Variants in RAB11B observed in about 807,000 individuals in gnomAD.
RAB11B encodes RAB11B, member RAS oncogene family, also known as ras-related protein Rab-11B.
Under a neutral mutation model 23.7 loss-of-function variants are expected in RAB11B, and 7 were observed. That is an observed-to-expected ratio of 0.29 (90% CI 0.17 to 0.55). RAB11B has a LOEUF of 0.55. Among genes scored for constraint, RAB11B ranks in the 20% least tolerant of loss-of-function variants. The probability of loss-of-function intolerance (pLI) is 0.93; values close to 1 mark genes in which losing one functional copy is unlikely to be tolerated. For missense variants in RAB11B, 189 were observed against 320.0 expected, an observed-to-expected ratio of 0.59 and a Z score of 3.12; for synonymous variants, 138 against 132.0, an observed-to-expected ratio of 1.05 and a Z score of -0.31.
At position 8,393,283 on chromosome 19, in the gene RAB11B, GT is replaced by G. The variant is rs2145506780; in HGVS notation, c.40+2828del. On this transcript the variant is annotated intron_variant, in intron 1 of 4. Coordinates refer to ENST00000328024, the MANE Select transcript of RAB11B (RefSeq NM_004218.4). ...CTCGGTACTCCATGGTTGCAGCTGT[GT>G]CCCCAAGGGCCACTGAGGTCCTCTC... 1.3e-5 allele frequency among the ~76,000 whole-genome samples: 2 copies of G among 152,254 alleles called. 1 individual carries two copies. Among genetic ancestry groups the G allele is most frequent in the South Asian group, 4.1e-4 (2 of 4,830 alleles).
intron 1 of RAB11B, among the ~76,000 whole-genome samples, chr19:8,393,291 G>A (rs549816178): frequency 3.0e-4 from 46 of 152,284 alleles, no homozygotes; most frequent in African/African-American, 1.1e-3. Context: ...GTGTCCCCAA[G>A]GGCCACTGAG....
intron 2 of RAB11B, among the ~76,000 whole-genome samples, chr19:8,401,472 G>A (rs1243699509): frequency 2.8e-5 from 4 of 145,330 alleles, no homozygotes; most frequent in East Asian, 2.1e-4. Context: ...TCCGCCCCCC[G>A]CCCCCCAGGG....
intron 1 of RAB11B, among the ~76,000 whole-genome samples, chr19:8,399,585 C>G (rs1410812609): frequency 6.6e-6 from 1 of 152,268 alleles, no homozygotes; most frequent in Non-Finnish European, 1.5e-5. Context: ...GCCTGGCTGC[C>G]TGGGTCCCCT....
chr19:8,397,699 G>A (rs1335549925), intron 1 of RAB11B, among the ~76,000 whole-genome samples: 1 of 152,084 alleles, frequency 6.6e-6, no homozygotes, highest in African/African-American at 2.4e-5. Context: ...TGTGGCCAGG[G>A]GAAGGGCAGA....
At chr19:8,394,909 G>A (rs924885247) in intron 1 of RAB11B, among the ~76,000 whole-genome samples, 10 of 152,312 alleles carry the variant, frequency 6.6e-5, no homozygotes, top group African/African-American at 1.7e-4. Flanking sequence ...CAGCCTGGGC[G>A]AGGGAGATTC....
intron 1 of RAB11B, among the ~76,000 whole-genome samples, chr19:8,392,247 T>G (rs1971360969): frequency 6.6e-6 from 1 of 152,182 alleles, no homozygotes; most frequent in Non-Finnish European, 1.5e-5. Flanking sequence ...TTTGCCCTTT[T>G]GCTGTGTTAA....
Position 8,400,078 on chromosome 19 carries a change from G to A in RAB11B, c.236+20G>A. The A allele has an allele frequency of 6.2e-7, 1 of 1,604,228 alleles. No homozygotes were observed. ...CTCCGCGTGCGTGTCGGCAGCCTGGGCAGGGACGCTGAGATTCGGGGGCGT... is the reference window on the plus strand; with the variant it reads ...CTCCGCGTGCGTGTCGGCAGCCTGGACAGGGACGCTGAGATTCGGGGGCGT... On this transcript the variant is annotated intron_variant, in intron 2 of 4. Coordinates refer to ENST00000328024, the MANE Select transcript of RAB11B (RefSeq NM_004218.4).
At chr19:8,403,229 G>C (rs186730311) in intron 4 of RAB11B, among the ~76,000 whole-genome samples, 184 bp from the exon 5 acceptor site, 1 of 152,294 alleles carries the variant, frequency 6.6e-6, no homozygotes, top group Non-Finnish European at 1.5e-5. Flanking sequence ...GCGAGAGGCC[G>C]GGGCTGGCTG....
rs1312916600 is a variant in RAB11B at position 8,392,953 on chromosome 19, T to C, written c.40+2497T>C. ...CACCTGTCTCGGCCTCCCAAAGTGC[T>C]GGGATTACAGGCATGAGCCACCGTG... On this transcript the variant is annotated intron_variant, in intron 1 of 4. Transcript: ENST00000328024. Among the ~76,000 whole-genome samples the C allele has an allele frequency of 4.0e-5, 6 of 151,248 alleles. No homozygotes were observed. The South Asian group carries it at 6.3e-4, about 16-fold the overall frequency.
At position 8,396,593 on chromosome 19, in the gene RAB11B, C is replaced by G. The variant is rs1971397988; in HGVS notation, c.41-3270C>G. Among the ~76,000 whole-genome samples, 1 of 151,984 alleles carries G rather than the reference C, an allele frequency of 6.6e-6. No individual in the cohort carries two copies. Among genetic ancestry groups the G allele is most frequent in the Admixed American group, 6.6e-5 (1 of 15,250 alleles). ...ATGAGGGAGGGAGCCAGGTGTGTGC[C>G]TGGAGAAGAGCGTTTCTGGCAGCAG... On this transcript the variant is annotated intron_variant, in intron 1 of 4. Coordinates refer to ENST00000328024, the MANE Select transcript of RAB11B (RefSeq NM_004218.4). This position sits in a 1 kb window ranked among gnomAD's most constrained non-coding sequence, Gnocchi z 5.0.
At chr19:8,399,135 A>G (rs547440719) in intron 1 of RAB11B, among the ~76,000 whole-genome samples, 65 of 152,042 alleles carry the variant, frequency 4.3e-4, no homozygotes, top group African/African-American at 1.6e-3. Context: ...TTGTATTTTT[A>G]GTGGAGATGG....
chr19:8,399,832 G>A, intron 1 of RAB11B, 31 bp from the exon 2 acceptor site: 2 of 1,603,696 alleles, frequency 1.2e-6, no homozygotes, highest in East Asian at 4.5e-5. Context: ...GTGGAGTGTG[G>A]GGATTCACAG....
At chr19:8,401,769 G>T (rs887837731) in intron 2 of RAB11B, among the ~76,000 whole-genome samples, 1 of 152,162 alleles carries the variant, frequency 6.6e-6, no homozygotes, top group South Asian at 2.1e-4. Context: ...TGATCCACCC[G>T]CCTCAGCCTC....
At position 8,403,665 on chromosome 19, in the gene RAB11B, C is replaced by T. The variant is rs905228332; in HGVS notation, c.*107C>T. 2.1e-6 allele frequency: 3 copies of T among 1,461,332 alleles called. No individual in the cohort carries two copies. In the African/African-American group the frequency reaches 4.2e-5, roughly 20 times the overall value. 90.5% of individuals were successfully genotyped at this position (1,461,332 alleles called of 1,614,324 possible). A position where few individuals can be genotyped will look rare whatever the true frequency, so the allele number is the denominator to read the frequency against. ...TCTGTGGCCGGCTCGTTCCAGCCCT[C>T]CCAGTGAGCTCTGCACGGCCGGGCC... is the stretch of plus-strand genomic sequence containing the variant. On this transcript the variant is annotated 3_prime_UTR_variant, in exon 5 of 5. Transcript: ENST00000328024.
At position 8,404,013 on chromosome 19, in the gene RAB11B, C is replaced by G. The variant is rs1334582948; in HGVS notation, c.*455C>G. 1 of 160,120 alleles carries G rather than the reference C, an allele frequency of 6.2e-6. No individual in the cohort carries two copies. Among genetic ancestry groups the G allele is most frequent in the South Asian group, 1.7e-4 (1 of 5,890 alleles). 9.9% of individuals were successfully genotyped at this position (160,120 alleles called of 1,614,324 possible). On this transcript the variant is annotated 3_prime_UTR_variant, in exon 5 of 5. Coordinates refer to ENST00000328024, the MANE Select transcript of RAB11B (RefSeq NM_004218.4). ...GGCAGCGGGGGCCGGGGCAGGCGGA[C>G]CCCCCGGGCTCTCAGCGCCCACCCG...
chr19:8,393,414 C>T (rs1275579225), intron 1 of RAB11B, among the ~76,000 whole-genome samples: 2 of 152,200 alleles, frequency 1.3e-5, no homozygotes, highest in Non-Finnish European at 2.9e-5. Context: ...AGGCCCTGTC[C>T]TCTGGGTCTT....
chr19:8,390,415 CA>C lies in RAB11B; in HGVS notation c.1del. ...GCCGATCCCGCCGGAAGCGCCAGGA[CA>C]ATGGGGACCCGGGACGACGAGTACG... On this transcript the variant is annotated 5_prime_UTR_variant, in exon 1 of 5. Coordinates refer to ENST00000328024, the MANE Select transcript of RAB11B (RefSeq NM_004218.4). The C allele has an allele frequency of 6.5e-7, 1 of 1,531,482 alleles. No individual in the cohort carries two copies. The highest frequency in any genetic ancestry group is 8.7e-7 in the Non-Finnish European group (1 of 1,143,414). 94.9% of individuals were successfully genotyped at this position (1,531,482 alleles called of 1,614,324 possible).
chr19:8,391,878 CT>C (rs886537836), intron 1 of RAB11B, among the ~76,000 whole-genome samples: 2 of 151,896 alleles, frequency 1.3e-5, no homozygotes, highest in African/African-American at 4.8e-5. Context: ...GGAAGTGCCT[CT>C]ACAAGGGCCT....
At chr19:8,402,055 C>T (rs1466293934) in intron 2 of RAB11B, 31 bp from the exon 3 acceptor site, 3 of 1,542,152 alleles carry the variant, frequency 1.9e-6, no homozygotes, top group South Asian at 2.4e-5. Flanking sequence ...GGTTGTCCTC[C>T]AGAGAGGCTC....
Sources: gnomAD v4.1 joint callset for allele counts (sites outside exome capture counted in the v4.1 genomes callset) on GRCh38, gnomAD v4.1.1 for gene constraint, Gnocchi (gnomAD v3.1) non-coding constraint, MANE v1.5 for transcripts, NCBI Gene and HGNC (gene_info 2026-07-23, HGNC 2026-07-21) for gene names.